Variants in LIN52 observed in about 807,000 individuals in gnomAD.
The protein encoded by LIN52 is lin-52 DREAM MuvB core complex component.
In LIN52, 4 loss-of-function variants were observed where a neutral mutation model predicts 18.5. That is an observed-to-expected ratio of 0.22 (90% CI 0.11 to 0.49). LIN52 has a LOEUF of 0.49. LIN52 is among the 20% of genes least tolerant of loss of function. The pLI, the probability that LIN52 is intolerant of heterozygous loss-of-function variation, is 0.97. For missense variants in LIN52, 102 were observed against 139.5 expected, an observed-to-expected ratio of 0.73 and a Z score of 1.35; for synonymous variants, 34 against 45.5, an observed-to-expected ratio of 0.75 and a Z score of 1.02.
chr14:74,193,241 T>C (rs2078890273), intron 5 of LIN52, among the ~76,000 whole-genome samples: 1 of 97,812 alleles, frequency 1.0e-5, no homozygotes, highest in Non-Finnish European at 2.0e-5. Context: ...CAAGATCCTG[T>C]CTCCACAAAA....
At chr14:74,158,188 C>T (rs2061208759) in intron 5 of LIN52, among the ~76,000 whole-genome samples, 2 of 151,306 alleles carry the variant, frequency 1.3e-5, no homozygotes, top group South Asian at 2.1e-4. Context: ...GATCTCGGCT[C>T]ACTGCAACCT....
chr14:74,157,459 A>AT (rs56310225), intron 5 of LIN52, among the ~76,000 whole-genome samples: 3,474 of 139,986 alleles, frequency 0.025, 119 homozygotes, highest in African/African-American at 0.084. Context: ...ATATATATAT[A>AT]TTTTTTAATT....
chr14:74,141,923 G>A (rs1196711909), intron 5 of LIN52, among the ~76,000 whole-genome samples: 1 of 152,170 alleles, frequency 6.6e-6, no homozygotes, highest in Non-Finnish European at 1.5e-5. Context: ...TTGTCAGCAC[G>A]TGGAAATGAG....
intron 5 of LIN52, among the ~76,000 whole-genome samples, chr14:74,181,825 C>T (rs1432800827): frequency 6.6e-6 from 1 of 152,090 alleles, no homozygotes; most frequent in African/African-American, 2.4e-5. Flanking sequence ...GGAAAATAAC[C>T]ACTACCATAT....
chr14:74,094,433 A>C (rs967971634), intron 2 of LIN52, among the ~76,000 whole-genome samples: 2 of 151,788 alleles, frequency 1.3e-5, no homozygotes, highest in African/African-American at 4.8e-5. Flanking sequence ...CTATTTAAAA[A>C]ATTTTGGGGG....
chr14:74,166,169 G>A (rs144044411), intron 5 of LIN52, among the ~76,000 whole-genome samples: 27 of 151,860 alleles, frequency 1.8e-4, no homozygotes, highest in African/African-American at 5.8e-4. Flanking sequence ...GGGATTACAG[G>A]CGTGAGCCAC....
At position 74,154,882 on chromosome 14, in the gene LIN52, T is replaced by C. The variant is rs184299856; in HGVS notation, c.284-44040T>C. Reference sequence around the variant, plus strand: ...TAACTCTGCTAAGAATTATTGTCTTTTAACTCACTGAGGTCCTCAATTCTA... The same window carrying C: ...TAACTCTGCTAAGAATTATTGTCTTCTAACTCACTGAGGTCCTCAATTCTA... On this transcript the variant is annotated intron_variant, in intron 5 of 5. Transcript: ENST00000555028. Among the ~76,000 whole-genome samples the C allele has an allele frequency of 2.3e-3, 357 of 152,344 alleles. 1 individual carries two copies. Among genetic ancestry groups the C allele is most frequent in the Admixed American group, 4.1e-3 (62 of 15,308 alleles).
At chr14:74,093,274 C>T (rs1161296369) in intron 2 of LIN52, among the ~76,000 whole-genome samples, 1 of 150,020 alleles carries the variant, frequency 6.7e-6, no homozygotes, top group African/African-American at 2.4e-5. Context: ...AAGAAATTCA[C>T]ATAATACTGA....
At position 74,125,324 on chromosome 14, in the gene LIN52, G is replaced by A. The variant is rs200435363; in HGVS notation, c.283+24086G>A. Among the ~76,000 whole-genome samples the A allele has an allele frequency of 2.6e-5, 4 of 152,194 alleles. No homozygotes were observed. The East Asian group carries it at 5.8e-4, about 22-fold the overall frequency. ...TTGCCATTCTAACTGGTGTGAGATG[G>A]TATCTCATTTGTGGTTTTGATTTGC... On this transcript the variant is annotated intron_variant, in intron 5 of 5. Coordinates refer to ENST00000555028, the MANE Select transcript of LIN52 (RefSeq NM_001024674.3).
chr14:74,182,038 TCTCA>T (rs2061320493), intron 5 of LIN52, among the ~76,000 whole-genome samples: 1 of 152,246 alleles, frequency 6.6e-6, no homozygotes, highest in African/African-American at 2.4e-5. Flanking sequence ...TGAGACAAGG[TCTCA>T]CTCTGTCACC....
chr14:74,101,382 G>T, intron 5 of LIN52, 144 bp downstream of exon 5: 1 of 501,230 alleles, frequency 2.0e-6, no homozygotes, highest in Non-Finnish European at 3.4e-6. Context: ...AAGGTAAGAA[G>T]TCAATCTAAT....
At chr14:74,196,291 C>G (rs2078911847) in intron 5 of LIN52, among the ~76,000 whole-genome samples, 1 of 152,056 alleles carries the variant, frequency 6.6e-6, no homozygotes, top group Admixed American at 6.6e-5. Context: ...CCTTTTGACC[C>G]CTTAAATTGT....
intron 5 of LIN52, among the ~76,000 whole-genome samples, chr14:74,107,663 C>G (rs559261139): frequency 2.6e-5 from 4 of 152,198 alleles, no homozygotes; most frequent in African/African-American, 9.6e-5. Flanking sequence ...TTTTTCAGCC[C>G]ATAGCCCATA....
chr14:74,174,822 A>G (rs2061285554), intron 5 of LIN52: 1 of 151,784 alleles, frequency 6.6e-6, no homozygotes, highest in Middle Eastern at 3.2e-3. Flanking sequence ...CCTGGGCAAC[A>G]TGTCAAGGTC....
At chr14:74,089,821 G>T (rs1228452519) in intron 1 of LIN52, among the ~76,000 whole-genome samples, 2 of 152,096 alleles carry the variant, frequency 1.3e-5, no homozygotes, top group Non-Finnish European at 2.9e-5. Flanking sequence ...TGAAATAGGG[G>T]AGTTCCCTAA....
rs147873173 is a variant in LIN52, at chr14:74,119,247, C to T, written c.283+18009C>T. Among the ~76,000 whole-genome samples, 134 of 150,350 alleles carry T rather than the reference C, an allele frequency of 8.9e-4. 2 individuals are homozygous for T. In the East Asian group the frequency reaches 0.023, roughly 26 times the overall value. ...CACCATCTTGGCTCACTGCAAGCTCCGCCTCCTGGGTTCATGCCATTCTCC... is the reference window on the plus strand; with the variant it reads ...CACCATCTTGGCTCACTGCAAGCTCTGCCTCCTGGGTTCATGCCATTCTCC... On this transcript the variant is annotated intron_variant, in intron 5 of 5. Transcript: ENST00000555028.
intron 5 of LIN52, among the ~76,000 whole-genome samples, chr14:74,181,585 C>A (rs973329814): frequency 6.6e-5 from 10 of 151,892 alleles, no homozygotes; most frequent in African/African-American, 2.2e-4. Context: ...AAATAGTATT[C>A]TTTCATTTAA....
intron 5 of LIN52, among the ~76,000 whole-genome samples, chr14:74,184,195 C>T (rs576422646): frequency 6.6e-6 from 1 of 152,218 alleles, no homozygotes; most frequent in Non-Finnish European, 1.5e-5. Flanking sequence ...ATCCTCCCAC[C>T]TCAGCCTCCC....
At chr14:74,103,757 T>G (rs895621090) in intron 5 of LIN52, among the ~76,000 whole-genome samples, 2 of 142,996 alleles carry the variant, frequency 1.4e-5, no homozygotes, top group Non-Finnish European at 3.1e-5. Context: ...TTTTTTTTTT[T>G]TTTTTTTTTT....
Sources: gnomAD v4.1 joint callset for allele counts (sites outside exome capture counted in the v4.1 genomes callset) on GRCh38, gnomAD v4.1.1 for gene constraint, MANE v1.5 for transcripts, NCBI Gene and HGNC (gene_info 2026-07-23, HGNC 2026-07-21) for gene names.